Variants in ATP9B observed in about 807,000 individuals in gnomAD.
ATP9B encodes probable phospholipid-transporting ATPase IIB.
In ATP9B, 110 loss-of-function variants were observed where a neutral mutation model predicts 146.1. That is an observed-to-expected ratio of 0.75 (90% CI 0.65 to 0.88). The LOEUF is 0.88. Ranked by LOEUF, ATP9B falls within the 40% of genes least tolerant of loss-of-function variation. ATP9B has a pLI of 0.00. For synonymous variants in ATP9B, 604 were observed against 569.7 expected (o/e 1.06, Z -0.86); for missense variants, 1,499 against 1,496.4 (o/e 1.00, Z -0.03).
chr18:79,283,828 A>G, intron 13 of ATP9B, among the ~76,000 whole-genome samples: 1 of 152,210 alleles, frequency 6.6e-6, no homozygotes. Context: ...GGAGAACTTT[A>G]ATCTTCTCAC....
intron 9 of ATP9B, among the ~76,000 whole-genome samples, chr18:79,200,748 G>C (rs892927813): frequency 6.6e-6 from 1 of 152,126 alleles, no homozygotes; most frequent in Non-Finnish European, 1.5e-5. Context: ...TCAGAGCAGA[G>C]GTGGAGGTGG....
At chr18:79,285,055 A>G (rs1369867901) in intron 13 of ATP9B, among the ~76,000 whole-genome samples, 5 of 151,564 alleles carry the variant, frequency 3.3e-5, no homozygotes, top group African/African-American at 1.2e-4. Context: ...AGTCTTTGCT[A>G]TTGTGAATAA....
At chr18:79,123,196 TTGTAAC>T (rs973037255) in intron 4 of ATP9B, among the ~76,000 whole-genome samples, 7 of 151,978 alleles carry the variant, frequency 4.6e-5, no homozygotes, top group African/African-American at 1.4e-4. Flanking sequence ...CACAAAAACA[TTGTAAC>T]TAAACAAAAT....
In ATP9B at chr18:79,213,962, G is replaced by A. The variant is rs1257244525; in HGVS notation, c.1031G>A (p.Gly344Asp). The stretch of plus-strand genomic sequence containing the variant: ...AAGGACCACTTTCATGTTTTTGCAG[G>A]TACTGTAATAGGTGTTGTCATTTAT... Reference protein sequence around the residue: ...TLWASTIVASGTVIGVVIYTG... With the variant: ...TLWASTIVASDTVIGVVIYTG... The change falls in exon 11 of 30, where the codon GGT becomes GAT. Residue 344 changes from glycine to aspartate, a missense_variant and splice_region_variant. By Grantham distance (94) the Gly-to-Asp change is moderately conservative. Coordinates refer to ENST00000426216, the MANE Select transcript of ATP9B (RefSeq NM_198531.5). 3 of 1,592,232 alleles carry A rather than the reference G, an allele frequency of 1.9e-6. No individual in the cohort carries two copies. The highest frequency in any genetic ancestry group is 1.8e-5 in the Admixed American group (1 of 54,812).
chr18:79,245,765 CCTA>C (rs2095945819), intron 11 of ATP9B, among the ~76,000 whole-genome samples: 1 of 146,976 alleles, frequency 6.8e-6, no homozygotes, highest in Non-Finnish European at 1.5e-5. Context: ...AGGGCACCGC[CCTA>C]CTGACTGAGG....
In ATP9B at chr18:79,345,509, A is replaced by G; in HGVS notation, c.2554A>G (p.Thr852Ala). 2 of 1,612,912 alleles carry G rather than the reference A, an allele frequency of 1.2e-6. No individual in the cohort carries two copies. The highest frequency in any genetic ancestry group is 2.2e-5 in the South Asian group (2 of 91,064). ...CGTGGTTTGCTGCCGCTGCTCACCC[A>G]CCCAGAAGGCCCGCATTGTGACACT... ...PAVVCCRCSP[T>A]QKARIVTLLQ... Residue 852 changes from threonine to alanine, a missense_variant, in exon 22 of 30, where the codon ACC becomes GCC. Thr to Ala is a moderately conservative substitution (Grantham distance 58). Transcript: ENST00000426216.
intron 17 of ATP9B, among the ~76,000 whole-genome samples, chr18:79,331,740 C>T (rs1387659359): frequency 1.3e-5 from 2 of 151,940 alleles, no homozygotes; most frequent in East Asian, 3.8e-4. Context: ...TCAATGATCA[C>T]ATAACAGAAA....
In ATP9B at chr18:79,305,988, A is replaced by G. The variant is rs181388913; in HGVS notation, c.1525-998A>G. On this transcript the variant is annotated intron_variant, in intron 14 of 29. Transcript: ENST00000426216. Reference sequence around the variant, plus strand: ...GTACAAGCATCACTAAACATCACGTAGTTTGGAAGGAGGGAGCCAGCTGAG... The same window carrying G: ...GTACAAGCATCACTAAACATCACGTGGTTTGGAAGGAGGGAGCCAGCTGAG... Among the ~76,000 whole-genome samples the G allele has an allele frequency of 8.3e-4, 126 of 152,366 alleles. 1 individual carries two copies. The highest frequency in any genetic ancestry group is 2.9e-3 in the African/African-American group (119 of 41,588).
At chr18:79,164,873 A>G (rs1212992083) in intron 7 of ATP9B, among the ~76,000 whole-genome samples, 1 of 152,224 alleles carries the variant, frequency 6.6e-6, no homozygotes, top group African/African-American at 2.4e-5. Context: ...AAGAATGCTC[A>G]GTAGCATGTG....
intron 2 of ATP9B, among the ~76,000 whole-genome samples, chr18:79,099,099 T>A (rs2075056366): frequency 6.6e-6 from 1 of 152,242 alleles, no homozygotes; most frequent in African/African-American, 2.4e-5. Context: ...TCTAGCTTCA[T>A]AAGATGAATG....
At chr18:79,165,486 G>A (rs2094951031) in intron 7 of ATP9B, among the ~76,000 whole-genome samples, 1 of 152,188 alleles carries the variant, frequency 6.6e-6, no homozygotes, top group East Asian at 1.9e-4. Flanking sequence ...GTTGCCAAAT[G>A]TAAATTGTCC....
rs2075948228 is a variant in ATP9B, at chr18:79,110,641, G to C, written c.444+136G>C. 15 of 764,640 alleles carry C rather than the reference G, an allele frequency of 2.0e-5. 1 individual carries two copies. In the South Asian group the frequency reaches 4.8e-4, roughly 25 times the overall value. 47.4% of individuals were successfully genotyped at this position (764,640 alleles called of 1,614,324 possible). ...TCCAAATCAGTGTCCTTTTGCTTTT[G>C]AACCATCTGTGTTCCCAATAATCGC... On this transcript the variant is annotated intron_variant, in intron 3 of 29. Transcript: ENST00000426216.
chr18:79,148,473 G>T (rs749237154), intron 6 of ATP9B, among the ~76,000 whole-genome samples: 9 of 152,148 alleles, frequency 5.9e-5, no homozygotes, highest in African/African-American at 2.2e-4. Context: ...TGTAATCTAC[G>T]CTATCAACAG....
chr18:79,158,597 T>A (rs1568299480), intron 7 of ATP9B, among the ~76,000 whole-genome samples: 1 of 152,198 alleles, frequency 6.6e-6, no homozygotes, highest in South Asian at 2.1e-4. Context: ...CTGGCCTGAT[T>A]CATTGTTTAT....
At chr18:79,376,494 A>G in intron 29 of ATP9B, 4 of 743,278 alleles carry the variant, frequency 5.4e-6, no homozygotes, top group Non-Finnish European at 6.5e-6. Context: ...AGTTCAAGTG[A>G]TTCTCCTGCC....
At position 79,377,247 on chromosome 18, in the gene ATP9B, A is replaced by T. The variant is rs768692652; in HGVS notation, c.3308A>T (p.Asp1103Val). 2 of 1,611,420 alleles carry T rather than the reference A, an allele frequency of 1.2e-6. No individual in the cohort carries two copies. The highest frequency in any genetic ancestry group is 3.3e-5 in the Admixed American group (2 of 60,010). ...IGRVSFGAFL[D>V]VAFITTVTFL... ...CTTTTTCTCTGTTTCCTGCCAACAG[A>T]TGTTGCCTTTATCACCACCGTGACC... Residue 1103 changes from aspartate (D) to valine (V), a missense_variant and splice_region_variant, in exon 30 of 30, where the codon GAT (aspartate) becomes GTT (valine). Physicochemically the swap from Asp to Val is radical, Grantham distance 152 (BLOSUM62 -3). Transcript: ENST00000426216.
chr18:79,134,838 A>G (rs1255490239), intron 5 of ATP9B, among the ~76,000 whole-genome samples: 1 of 152,200 alleles, frequency 6.6e-6, no homozygotes, highest in African/African-American at 2.4e-5. Context: ...TAATTTTTAT[A>G]TAATTTAAAT....
At chr18:79,356,329 G>A (rs540671435) in intron 25 of ATP9B, among the ~76,000 whole-genome samples, 4 of 151,636 alleles carry the variant, frequency 2.6e-5, no homozygotes, top group South Asian at 2.1e-4. Context: ...CCTCTCACTC[G>A]GCACTCGTTT....
intron 7 of ATP9B, among the ~76,000 whole-genome samples, chr18:79,162,260 C>T (rs1380606352): frequency 6.6e-6 from 1 of 152,118 alleles, no homozygotes; most frequent in Non-Finnish European, 1.5e-5. Context: ...CTCATGGCAT[C>T]GTATTGACTG....
Sources: allele counts gnomAD v4.1 joint callset (sites outside exome capture counted in the v4.1 genomes callset), GRCh38; gene constraint gnomAD v4.1.1; transcripts MANE v1.5; gene names NCBI Gene and HGNC (gene_info 2026-07-23, HGNC 2026-07-21).